The following RNF150 variants were observed in gnomAD, a reference collection of about 807,000 sequenced individuals.
RNF150 encodes ring finger protein 150.
Under a neutral mutation model 39.3 loss-of-function variants are expected in RNF150, and 24 were observed. The ratio of observed to expected loss-of-function variants is 0.61; its 90% CI spans 0.44 to 0.86. The LOEUF is 0.86. Ranked by LOEUF, RNF150 falls within the 40% of genes least tolerant of loss-of-function variation. RNF150 has a pLI of 0.00. For synonymous variants in RNF150, 255 were observed against 227.3 expected (o/e 1.12, Z -1.10); for missense variants, 502 against 587.8 (o/e 0.85, Z 1.51).
At chr4:141,205,358 T>G (rs1728357312) in intron 1 of RNF150, among the ~76,000 whole-genome samples, 1 of 152,184 alleles carries the variant, frequency 6.6e-6, no homozygotes, top group African/African-American at 2.4e-5. Flanking sequence ...CTATTATAAA[T>G]CTCTGCATGT....
chr4:140,987,595 C>T (rs1474644047), intron 1 of RNF150, among the ~76,000 whole-genome samples: 3 of 151,972 alleles, frequency 2.0e-5, no homozygotes, highest in African/African-American at 7.2e-5. Flanking sequence ...CCTTCCCATT[C>T]ACACATACAA....
At chr4:140,989,026 T>G (rs1734106360) in intron 1 of RNF150, among the ~76,000 whole-genome samples, 2 of 152,064 alleles carry the variant, frequency 1.3e-5, no homozygotes. Context: ...AGAAAAAGAT[T>G]GTCCTCATTT....
At chr4:141,116,626 A>C (rs1331411122) in intron 1 of RNF150, among the ~76,000 whole-genome samples, 1 of 152,246 alleles carries the variant, frequency 6.6e-6, no homozygotes, top group African/African-American at 2.4e-5. Flanking sequence ...TTGACTCAGC[A>C]ATCCCATTAC....
chr4:141,172,444 T>C (rs950406909), intron 1 of RNF150, among the ~76,000 whole-genome samples: 13 of 152,160 alleles, frequency 8.5e-5, no homozygotes, highest in African/African-American at 3.1e-4. Context: ...AAAATTGGGA[T>C]CAATAATTTA....
chr4:140,959,905 G>T (rs10003541), intron 2 of RNF150, among the ~76,000 whole-genome samples: 83,254 of 151,780 alleles, frequency 0.55, 24,031 homozygotes, highest in East Asian at 0.76. Context: ...GCTACAGAGC[G>T]CTTCTGCAAT....
chr4:141,027,023 T>A (rs550329444), intron 1 of RNF150, among the ~76,000 whole-genome samples: 1 of 152,294 alleles, frequency 6.6e-6, no homozygotes, highest in African/African-American at 2.4e-5. Flanking sequence ...GAAGAGGGGT[T>A]CCTTACAGCG....
At chr4:141,159,532 G>T (rs143461030) in intron 1 of RNF150, among the ~76,000 whole-genome samples, 1 of 151,832 alleles carries the variant, frequency 6.6e-6, no homozygotes, top group African/African-American at 2.4e-5. Flanking sequence ...GTTGTTTTTT[G>T]TTTTTGTTGT....
At chr4:141,140,619 G>A (rs1401391880) in intron 1 of RNF150, among the ~76,000 whole-genome samples, 6 of 151,264 alleles carry the variant, frequency 4.0e-5, no homozygotes, top group Non-Finnish European at 8.8e-5. Context: ...AGATCATCTT[G>A]TCCTTTTTCG....
At chr4:141,124,449 G>C (rs184076452) in intron 1 of RNF150, among the ~76,000 whole-genome samples, 1 of 152,338 alleles carries the variant, frequency 6.6e-6, no homozygotes, top group East Asian at 1.9e-4. Context: ...CAGCTCTGTG[G>C]ATTTCTGGGA....
intron 1 of RNF150, among the ~76,000 whole-genome samples, chr4:140,993,025 G>A (rs886779539): frequency 1.3e-5 from 2 of 152,036 alleles, no homozygotes; most frequent in African/African-American, 2.4e-5. Context: ...CTCGGGAGTC[G>A]CTCATCCTCC....
intron 1 of RNF150, among the ~76,000 whole-genome samples, chr4:141,031,601 T>C (rs565671438): frequency 5.9e-5 from 9 of 152,180 alleles, no homozygotes; most frequent in Admixed American, 2.6e-4. Flanking sequence ...AAGACTTTAA[T>C]AGATATTTCA....
intron 6 of RNF150, among the ~76,000 whole-genome samples, chr4:140,906,142 T>C (rs1471372816): frequency 6.6e-6 from 1 of 152,070 alleles, no homozygotes; most frequent in Non-Finnish European, 1.5e-5. Context: ...TAAAAGTAGG[T>C]AGAAAAATCT....
intron 4 of RNF150, among the ~76,000 whole-genome samples, chr4:140,930,388 A>G (rs1448001037): frequency 6.6e-6 from 1 of 152,150 alleles, no homozygotes; most frequent in Non-Finnish European, 1.5e-5. Context: ...GCTTCTCTGG[A>G]GAATCCTGAC....
chr4:141,101,804 T>C (rs1350891562), intron 1 of RNF150, among the ~76,000 whole-genome samples: 1 of 152,128 alleles, frequency 6.6e-6, no homozygotes, highest in Admixed American at 6.5e-5. Context: ...TATTTTGAGA[T>C]AGAGTCTTGC....
Position 140,947,717 on chromosome 4 carries a change from T to G in RNF150, c.827A>C (p.Asp276Ala). 1 of 1,597,870 alleles carries G rather than the reference T, an allele frequency of 6.3e-7. No individual in the cohort carries two copies. The highest frequency in any genetic ancestry group is 8.5e-7 in the Non-Finnish European group (1 of 1,173,896). ...KGDKETESDF[D>A]NCAVCIEGYK... ...CCCTTCAATACAAACTGCACAGTTG[T>G]CAAAATCAGACTCTGTTTCCTGCAA... Residue 276 changes from aspartate to alanine, a missense_variant, in exon 4 of 7, where the codon GAC becomes GCC. Coordinates refer to ENST00000515673, the MANE Select transcript of RNF150 (RefSeq NM_020724.2).
intron 1 of RNF150, among the ~76,000 whole-genome samples, chr4:141,029,805 A>C (rs1298612369): frequency 2.0e-5 from 3 of 152,240 alleles, no homozygotes; most frequent in African/African-American, 7.2e-5. Flanking sequence ...GAATATATAA[A>C]GAACTCCTAC....
chr4:140,860,534 A>G lies in RNF150; in HGVS notation c.*7727T>C, dbSNP rs868497994. 2.0e-5 allele frequency: 3 copies of G among 152,236 alleles called. No homozygotes were observed. The highest frequency in any genetic ancestry group is 6.5e-5 in the Admixed American group (1 of 15,292). 9.4% of individuals were successfully genotyped at this position (152,236 alleles called of 1,614,324 possible). On this transcript the variant is annotated 3_prime_UTR_variant, in exon 7 of 7. Coordinates refer to ENST00000515673, the MANE Select transcript of RNF150 (RefSeq NM_020724.2). ...ATCATCTACTACCTGCAGACTAGCCAGAAAGACCTTGTGGGGAAGCTAAGT... is the reference window on the plus strand; with the variant it reads ...ATCATCTACTACCTGCAGACTAGCCGGAAAGACCTTGTGGGGAAGCTAAGT...
At chr4:140,986,182 C>T (rs1169691690) in intron 1 of RNF150, among the ~76,000 whole-genome samples, 1 of 152,002 alleles carries the variant, frequency 6.6e-6, no homozygotes, top group African/African-American at 2.4e-5. Flanking sequence ...TTTAAAAGCC[C>T]ACAAAACTTG....
At chr4:140,933,294 G>A (rs1731720563) in intron 4 of RNF150, among the ~76,000 whole-genome samples, 1 of 152,122 alleles carries the variant, frequency 6.6e-6, no homozygotes, top group Non-Finnish European at 1.5e-5. Flanking sequence ...TTACAGTGGA[G>A]GAAAGAAATT....
Sources: allele counts gnomAD v4.1 joint callset (sites outside exome capture counted in the v4.1 genomes callset), GRCh38; gene constraint gnomAD v4.1.1; transcripts MANE v1.5; gene names NCBI Gene and HGNC (gene_info 2026-07-23, HGNC 2026-07-21).